MAMLD1: variants seen among roughly 807,000 people sequenced by gnomAD.
MAMLD1 encodes mastermind-like domain-containing protein 1.
A neutral mutation model predicts 45.0 loss-of-function variants in MAMLD1; 14 were observed. The observed-to-expected ratio is 0.31, with a 90% CI of 0.21 to 0.49. The LOEUF is 0.49. Among genes scored for constraint, MAMLD1 ranks in the 20% least tolerant of loss-of-function variants. MAMLD1 has a pLI of 0.99. For missense variants in MAMLD1, 543 were observed against 603.6 expected, an observed-to-expected ratio of 0.90 and a Z score of 1.05; for synonymous variants, 254 against 247.8, an observed-to-expected ratio of 1.02 and a Z score of -0.24.
chrX:150,465,842 G>T (rs2036201213), intron 3 of MAMLD1, among the ~76,000 whole-genome samples: 1 of 112,901 alleles, frequency 8.9e-6, no homozygotes, highest in African/African-American at 3.2e-5. Context: ...CTGGAGAAAA[G>T]CACATGGGTG....
At chrX:150,436,990 G>C (rs897478603) in intron 1 of MAMLD1, among the ~76,000 whole-genome samples, 1 of 110,503 alleles carries the variant, frequency 9.0e-6, no homozygotes, top group East Asian at 2.8e-4. Flanking sequence ...TTTTAGTGGG[G>C]CAAAGCTCAG....
chrX:150,407,863 A>G (rs1557402715), intron 1 of MAMLD1, among the ~76,000 whole-genome samples: 1 of 112,451 alleles, frequency 8.9e-6, no homozygotes, highest in African/African-American at 3.2e-5. Flanking sequence ...ACAATAATTA[A>G]TGTTGGGGAA....
chrX:150,499,098 G>A (rs2037477141), intron 5 of MAMLD1, among the ~76,000 whole-genome samples: 1 of 111,988 alleles, frequency 8.9e-6, no homozygotes, highest in Admixed American at 9.4e-5. Flanking sequence ...GAACAACGGA[G>A]GTTGGCTTCT....
intron 1 of MAMLD1, among the ~76,000 whole-genome samples, chrX:150,404,065 A>AGG (rs2033939020): frequency 1.9e-5 from 2 of 104,278 alleles, no homozygotes; most frequent in African/African-American, 3.5e-5. Context: ...GAAGGAAGGA[A>AGG]AGGAGGGAGG....
intron 2 of MAMLD1, among the ~76,000 whole-genome samples, chrX:150,451,341 G>A (rs1248426077): frequency 8.9e-6 from 1 of 111,785 alleles, no homozygotes; most frequent in Non-Finnish European, 1.9e-5. Context: ...GAGGGATGCT[G>A]TTAGACTCCA....
At chrX:150,479,000 A>G (rs1166523520) in intron 5 of MAMLD1, among the ~76,000 whole-genome samples, 1 of 111,975 alleles carries the variant, frequency 8.9e-6, no homozygotes, top group Non-Finnish European at 1.9e-5. Context: ...AAATGAAACC[A>G]CATGGGCTGT....
At position 150,465,797 on chromosome X, in the gene MAMLD1, G is replaced by A. The variant is rs190744536; in HGVS notation, c.171+2951G>A. On this transcript the variant is annotated intron_variant, in intron 3 of 7. Transcript: ENST00000370401. ...AGAAGTAGGAGCTGTGGGACAGCTA[G>A]GACTAATACCCTGCTGTCATCAAGA... Among the ~76,000 whole-genome samples, 23 of 112,728 alleles carry A rather than the reference G, an allele frequency of 2.0e-4. No individual in the cohort carries two copies. In the East Asian group the frequency reaches 6.4e-3, roughly 32 times the overall value.
At chrX:150,457,656 A>G (rs2035910566) in intron 2 of MAMLD1, among the ~76,000 whole-genome samples, 1 of 112,449 alleles carries the variant, frequency 8.9e-6, no homozygotes, top group African/African-American at 3.2e-5. Flanking sequence ...GGAACGGAGT[A>G]CTGAGGCATG....
intron 1 of MAMLD1, among the ~76,000 whole-genome samples, chrX:150,421,659 A>C (rs191309351): frequency 1.8e-5 from 2 of 112,177 alleles, no homozygotes; most frequent in East Asian, 5.6e-4. Flanking sequence ...CCGAGTGACA[A>C]CTGCCCACAT....
At chrX:150,465,762 G>A (rs2036197259) in intron 3 of MAMLD1, among the ~76,000 whole-genome samples, 1 of 112,488 alleles carries the variant, frequency 8.9e-6, no homozygotes, top group Admixed American at 9.4e-5. Flanking sequence ...GTCACAGGGA[G>A]AGGCCTGAAA....
intron 1 of MAMLD1, among the ~76,000 whole-genome samples, chrX:150,381,592 G>A (rs185131709): frequency 6.4e-4 from 72 of 112,213 alleles, no homozygotes; most frequent in Non-Finnish European, 1.1e-3. Context: ...CATTCCTATA[G>A]TTTTGTTATT....
At chrX:150,492,007 C>T (rs1557407962) in intron 5 of MAMLD1, among the ~76,000 whole-genome samples, 1 of 112,755 alleles carries the variant, frequency 8.9e-6, no homozygotes, top group African/African-American at 3.2e-5. Context: ...CCCAAGATTG[C>T]ACCTCTGTCA....
intron 5 of MAMLD1, among the ~76,000 whole-genome samples, chrX:150,492,991 A>C (rs1448475521): frequency 9.0e-6 from 1 of 111,636 alleles, no homozygotes; most frequent in Non-Finnish European, 1.9e-5. Flanking sequence ...GCAGAGAATG[A>C]TGTCCCCCTC....
intron 1 of MAMLD1, among the ~76,000 whole-genome samples, chrX:150,365,915 T>C (rs923042583): frequency 3.6e-5 from 4 of 112,640 alleles, no homozygotes; most frequent in Non-Finnish European, 7.5e-5. Context: ...TTGTCCCTTA[T>C]AACTGCCCCC....
At chrX:150,364,094 G>A (rs2031189782) in intron 1 of MAMLD1, among the ~76,000 whole-genome samples, 1 of 113,033 alleles carries the variant, frequency 8.8e-6, no homozygotes, top group African/African-American at 3.2e-5. Flanking sequence ...CCTGGGAAGC[G>A]CAGCCCGGAG....
chrX:150,496,127 G>A (rs2037369919), intron 5 of MAMLD1, among the ~76,000 whole-genome samples: 1 of 112,818 alleles, frequency 8.9e-6, no homozygotes, highest in Non-Finnish European at 1.9e-5. Context: ...TCCCTTCTTC[G>A]GTTGCCCGAA....
chrX:150,385,579 A>G (rs2032887516), intron 1 of MAMLD1, among the ~76,000 whole-genome samples: 1 of 111,731 alleles, frequency 9.0e-6, no homozygotes, highest in Non-Finnish European at 1.9e-5. Context: ...CACTAAATGA[A>G]ATGGAATCAT....
chrX:150,365,298 G>C (rs1417920916), intron 1 of MAMLD1, among the ~76,000 whole-genome samples: 1 of 111,627 alleles, frequency 9.0e-6, no homozygotes, highest in African/African-American at 3.3e-5. Context: ...TGTGTTTCGA[G>C]GACCCTCTGT....
At chrX:150,499,937 T>G (rs781856883) in intron 5 of MAMLD1, among the ~76,000 whole-genome samples, 1 of 112,051 alleles carries the variant, frequency 8.9e-6, no homozygotes, top group African/African-American at 3.2e-5. Context: ...CATTGGTGTT[T>G]ATCCCAAAAA....
Sources: gnomAD v4.1 joint callset for allele counts (sites outside exome capture counted in the v4.1 genomes callset) on GRCh38, gnomAD v4.1.1 for gene constraint, MANE v1.5 for transcripts, NCBI Gene and HGNC (gene_info 2026-07-23, HGNC 2026-07-21) for gene names.